MUC13: variants seen among roughly 807,000 people sequenced by gnomAD.
The protein encoded by MUC13 is mucin 13, cell surface associated.
MUC13 carries 32 observed loss-of-function variants against 48.3 expected under a neutral mutation model. The observed-to-expected ratio is 0.66, with a 90% CI of 0.50 to 0.89. The LOEUF (loss-of-function observed/expected upper bound fraction) is 0.89. Ranked by LOEUF, MUC13 falls within the 40% of genes least tolerant of loss-of-function variation. The probability of loss-of-function intolerance (pLI) is 0.00; values close to 1 mark genes in which losing one functional copy is unlikely to be tolerated. For missense variants in MUC13, 571 were observed against 622.8 expected, an observed-to-expected ratio of 0.92 and a Z score of 0.88; for synonymous variants, 199 against 224.9, an observed-to-expected ratio of 0.88 and a Z score of 1.03.
At chr3:124,932,498 G>A (rs541840021) in intron 1 of MUC13, among the ~76,000 whole-genome samples, 97 of 151,960 alleles carry the variant, frequency 6.4e-4, no homozygotes, top group Non-Finnish European at 8.5e-4. Flanking sequence ...CCTGGGAGGC[G>A]GAGGTTGCAG....
At chr3:124,932,921 C>T (rs926767459) in intron 1 of MUC13, among the ~76,000 whole-genome samples, 5 of 152,148 alleles carry the variant, frequency 3.3e-5, no homozygotes, top group Non-Finnish European at 5.9e-5. Flanking sequence ...CTCTATTCAT[C>T]TCCTTGTCCC....
intron 9 of MUC13, among the ~76,000 whole-genome samples, chr3:124,911,065 G>GA (rs1935413185): frequency 6.6e-6 from 1 of 152,086 alleles, no homozygotes; most frequent in Non-Finnish European, 1.5e-5. Flanking sequence ...CACTTCATGT[G>GA]AAAAAAATGT....
intron 9 of MUC13, among the ~76,000 whole-genome samples, chr3:124,911,844 T>C (rs1024474386): frequency 2.0e-5 from 3 of 152,186 alleles, no homozygotes; most frequent in Admixed American, 6.5e-5. Context: ...TGCCCTTCTC[T>C]GGTCTCAAGC....
chr3:124,922,587 T>C (rs1265126958), intron 3 of MUC13, among the ~76,000 whole-genome samples: 1 of 146,534 alleles, frequency 6.8e-6, no homozygotes, highest in African/African-American at 2.5e-5. Flanking sequence ...AATCGTTGCC[T>C]AGTCTTTTTT....
chr3:124,913,543 A>G lies in MUC13; in HGVS notation c.1084+19T>C. ...AAGTGATGTTATGAAGAACATTTAG[A>G]AGCAGGTGAAACACTTACCAACGCA... On this transcript the variant is annotated intron_variant, in intron 7 of 11. Transcript: ENST00000616727. 6.2e-7 allele frequency: 1 copy of G among 1,613,972 alleles called. No homozygotes were observed. The highest frequency in any genetic ancestry group is 8.5e-7 in the Non-Finnish European group (1 of 1,179,928).
intron 5 of MUC13, 109 bp from the exon 6 acceptor site, chr3:124,916,589 C>A (rs1037451732): frequency 2.7e-5 from 33 of 1,219,374 alleles, no homozygotes; most frequent in Middle Eastern, 2.4e-4. Context: ...ACCCGCTGTC[C>A]TGTCCCTATG....
chr3:124,929,339 C>T (rs951139425), intron 1 of MUC13, among the ~76,000 whole-genome samples: 4 of 152,108 alleles, frequency 2.6e-5, no homozygotes, highest in Non-Finnish European at 5.9e-5. Flanking sequence ...CCTTGCCTGG[C>T]CCAGTGATAA....
intron 1 of MUC13, among the ~76,000 whole-genome samples, chr3:124,933,043 G>C (rs888892441): frequency 4.0e-5 from 6 of 151,844 alleles, no homozygotes; most frequent in Non-Finnish European, 8.8e-5. Flanking sequence ...TTCTTCCTTT[G>C]TCCTGAAGGC....
At chr3:124,912,061 A>T (rs1330259817) in intron 9 of MUC13, 43 bp downstream of exon 9, 2 of 1,602,764 alleles carry the variant, frequency 1.2e-6, no homozygotes, top group South Asian at 2.2e-5. Flanking sequence ...GATTTCTCAG[A>T]TGTTTAATAA....
rs1579362393 is a variant in MUC13 at position 124,912,117 on chromosome 3, G to A, written c.1239C>T (p.Leu413=). The A allele has an allele frequency of 5.6e-6, 9 of 1,612,878 alleles. No homozygotes were observed. The highest frequency in any genetic ancestry group is 2.7e-5 in the African/African-American group (2 of 74,894). Residue 413 remains leucine, a synonymous_variant, in exon 9 of 12, where the codon CTC becomes CTT. Coordinates refer to ENST00000616727, the MANE Select transcript of MUC13 (RefSeq NM_033049.4). ...TTTCATACTCACTGTCCTTACAGTCGAGTCCACTGTAGCCAAATGCACACC... is the reference window on the plus strand; with the variant it reads ...TTTCATACTCACTGTCCTTACAGTCAAGTCCACTGTAGCCAAATGCACACC... ...CQKCAFGYSG[L]DCKDKFQLIL...
intron 11 of MUC13, among the ~76,000 whole-genome samples, chr3:124,907,846 C>T (rs888840315): frequency 2.6e-5 from 4 of 151,892 alleles, no homozygotes; most frequent in African/African-American, 7.3e-5. Flanking sequence ...TCTCTGGAGT[C>T]GTATTCATGG....
rs1169862566 is a variant in MUC13 at position 124,913,175 on chromosome 3, C to G, written c.1150G>C (p.Gly384Arg). The change falls in exon 8 of 12, where the codon GGT becomes CGT. Residue 384 changes from glycine to arginine, a missense_variant. Physicochemically the swap from Gly to Arg is moderately radical, Grantham distance 125. Transcript: ENST00000616727. The part of the protein sequence containing the change: ...QHKQCLIKKS[G>R]GAPECACVPG... ...ACGCACGCACACTCAGGGGCCCCACCACTCTTCTTTATTAAGCATTGCTTG... is the reference window on the plus strand; with the variant it reads ...ACGCACGCACACTCAGGGGCCCCACGACTCTTCTTTATTAAGCATTGCTTG... 3 of 1,614,136 alleles carry G rather than the reference C, an allele frequency of 1.9e-6. No individual in the cohort carries two copies. The highest frequency in any genetic ancestry group is 2.2e-5 in the East Asian group (1 of 44,880).
At chr3:124,908,413 G>T in intron 10 of MUC13, 65 bp from the exon 11 acceptor site, 1 of 1,229,892 alleles carries the variant, frequency 8.1e-7, no homozygotes, top group Non-Finnish European at 1.1e-6. Flanking sequence ...AAATGTTAAT[G>T]TTCTTTTTAA....
At chr3:124,928,028 GT>G (rs767738705) in intron 1 of MUC13, 35 bp from the exon 2 acceptor site, 17 of 1,384,940 alleles carry the variant, frequency 1.2e-5, no homozygotes, top group Non-Finnish European at 1.6e-5. Flanking sequence ...TGAGGAGACA[GT>G]ACATTGAATA....
rs775573489 is a variant in MUC13, at chr3:124,916,474, A to G, written c.807T>C (p.Ser269=). Residue 269 remains serine (S), a synonymous_variant, in exon 6 of 12, where the codon TCT becomes TCC. Coordinates refer to ENST00000616727, the MANE Select transcript of MUC13 (RefSeq NM_033049.4). ...GQTVILTVST[S]LSPRSEMRAD... The stretch of plus-strand genomic sequence containing the variant: ...CACGCATTTCAGATCTTGGTGACAG[A>G]GATGTGCTAAAAATGAGATGAATCT... The G allele has an allele frequency of 1.7e-5, 27 of 1,609,794 alleles. No homozygotes were observed. In the East Asian group the frequency reaches 4.2e-4, roughly 25 times the overall value.
rs768750066 is a variant in MUC13 at position 124,924,232 on chromosome 3, C to T, written c.515-583G>A. On this transcript the variant is annotated intron_variant, in intron 2 of 11. Transcript: ENST00000616727. ...AAGAGGCCATGAGAAGACATTCCAG[C>T]CTCTGGCTTTCTAAGTGGATCATCT... 6.6e-4 allele frequency among the ~76,000 whole-genome samples: 101 copies of T among 152,206 alleles called. 1 individual carries two copies. Among genetic ancestry groups the T allele is most frequent in the Non-Finnish European group, 2.8e-4 (19 of 68,034 alleles).
intron 9 of MUC13, 135 bp from the exon 10 acceptor site, chr3:124,910,634 T>C (rs1935404713): frequency 7.2e-7 from 1 of 1,383,036 alleles, no homozygotes; most frequent in Admixed American, 2.6e-5. Flanking sequence ...CCAGGCCAGG[T>C]TGGGTAGTTG....
chr3:124,924,656 A>G (rs1935659006), intron 2 of MUC13, among the ~76,000 whole-genome samples: 1 of 152,142 alleles, frequency 6.6e-6, no homozygotes. Context: ...CAGGAGGGAG[A>G]TACAAGGAAT....
chr3:124,929,235 G>A (rs1277059562), intron 1 of MUC13, among the ~76,000 whole-genome samples: 5 of 149,860 alleles, frequency 3.3e-5, no homozygotes, highest in Non-Finnish European at 3.0e-5. Context: ...GAGTGCAGTG[G>A]TGCCATAATA....
Sources: allele counts gnomAD v4.1 joint callset (sites outside exome capture counted in the v4.1 genomes callset), GRCh38; gene constraint gnomAD v4.1.1; transcripts MANE v1.5; gene names NCBI Gene and HGNC (gene_info 2026-07-23, HGNC 2026-07-21).